Variants in ACP3 observed in about 807,000 individuals in gnomAD.
ACP3 encodes acid phosphatase 3, also known as prostatic acid phosphatase.
ACP3 carries 38 observed loss-of-function variants against 45.6 expected under a neutral mutation model. That is an observed-to-expected ratio of 0.83 (90% CI 0.64 to 1.09). The LOEUF is 1.09. Ranked by LOEUF, ACP3 falls within the 50% of genes least tolerant of loss-of-function variation. ACP3 has a pLI of 0.00. For missense variants in ACP3, 466 were observed against 463.2 expected (o/e 1.01, Z -0.05); for synonymous variants, 162 against 164.7 (o/e 0.98, Z 0.13).
intron 1 of ACP3, among the ~76,000 whole-genome samples, chr3:132,318,328 A>G (rs1052915903): frequency 6.6e-6 from 1 of 152,078 alleles, no homozygotes; most frequent in Non-Finnish European, 1.5e-5. Context: ...CTAAGCCTCT[A>G]AGCTGCTTCT....
At chr3:132,343,010 AAG>A (rs1257462015) in intron 6 of ACP3, among the ~76,000 whole-genome samples, 1 of 152,224 alleles carries the variant, frequency 6.6e-6, no homozygotes, top group Non-Finnish European at 1.5e-5. Context: ...GTTATAAAGA[AAG>A]AGGGGAAAAT....
chr3:132,364,098 C>A (rs887467895), intron 10 of ACP3, among the ~76,000 whole-genome samples: 1 of 152,154 alleles, frequency 6.6e-6, no homozygotes, highest in Non-Finnish European at 1.5e-5. Context: ...AATCCCAGCA[C>A]CTTGAGAGTC....
rs748951409 is a variant in ACP3, at chr3:132,358,632, T to G, written c.*1754T>G. Reference sequence around the variant, plus strand: ...TGACTGACAAAGACATCGATTGATATGCTTCTTTGTGTTATTTCCCTCCCA... The same window carrying G: ...TGACTGACAAAGACATCGATTGATAGGCTTCTTTGTGTTATTTCCCTCCCA... On this transcript the variant is annotated 3_prime_UTR_variant, in exon 10 of 10. Coordinates refer to ENST00000336375, the MANE Select transcript of ACP3 (RefSeq NM_001099.5). The G allele has an allele frequency of 6.7e-6, 7 of 1,042,158 alleles. No individual in the cohort carries two copies. Among genetic ancestry groups the G allele is most frequent in the Non-Finnish European group, 8.2e-6 (7 of 857,874 alleles). 64.6% of individuals were successfully genotyped at this position (1,042,158 alleles called of 1,614,324 possible).
exon 11 of ACP3, chr3:132,367,746 C>T (rs1204602524): frequency 5.0e-6 from 8 of 1,613,710 alleles, no homozygotes; most frequent in Non-Finnish European, 6.8e-6. Flanking sequence ...CTGATATCTG[C>T]TGTCCTAATG....
intron 10 of ACP3, among the ~76,000 whole-genome samples, chr3:132,364,851 A>G (rs1310326524): frequency 2.0e-5 from 3 of 152,202 alleles, no homozygotes; most frequent in Non-Finnish European, 2.9e-5. Flanking sequence ...ATAAATTTCT[A>G]AATACAGAGT....
intron 5 of ACP3, among the ~76,000 whole-genome samples, chr3:132,341,360 G>T (rs1170763637): frequency 6.6e-6 from 1 of 152,070 alleles, no homozygotes; most frequent in Non-Finnish European, 1.5e-5. Context: ...TCTCCTGAAT[G>T]ATTGTTTTAA....
At chr3:132,321,868 A>G (rs1211405183) in intron 1 of ACP3, among the ~76,000 whole-genome samples, 2 of 152,254 alleles carry the variant, frequency 1.3e-5, no homozygotes, top group Admixed American at 1.3e-4. Context: ...TAAATGTCTG[A>G]ATAATATAAC....
At chr3:132,332,410 C>T in intron 4 of ACP3, 66 bp downstream of exon 4, 8 of 1,579,238 alleles carry the variant, frequency 5.1e-6, no homozygotes, top group South Asian at 2.2e-5. Flanking sequence ...GGCTACTCAA[C>T]AGTTGTGGAT....
At chr3:132,355,080 G>T (rs1236739493) in intron 9 of ACP3, among the ~76,000 whole-genome samples, 1 of 152,202 alleles carries the variant, frequency 6.6e-6, no homozygotes, top group African/African-American at 2.4e-5. Flanking sequence ...TGGTGATTCA[G>T]GCACCCAGGG....
Position 132,332,351 on chromosome 3 carries a change from A to G in ACP3, c.456+7A>G. 6.2e-7 allele frequency: 1 copy of G among 1,614,086 alleles called. No homozygotes were observed. Among genetic ancestry groups the G allele is most frequent in the Non-Finnish European group, 8.5e-7 (1 of 1,179,976 alleles). Reference sequence around the variant, plus strand: ...TCCTCTTTCTGAAGATCAGGTCAGTATACTGGGAAAACCAGGAGATTTCAG... The same window carrying G: ...TCCTCTTTCTGAAGATCAGGTCAGTGTACTGGGAAAACCAGGAGATTTCAG... On this transcript the variant is annotated splice_region_variant and intron_variant, in intron 4 of 9. Transcript: ENST00000336375.
chr3:132,332,972 A>T (rs1046608392), intron 4 of ACP3, among the ~76,000 whole-genome samples: 1 of 152,182 alleles, frequency 6.6e-6, no homozygotes, highest in Admixed American at 6.5e-5. Context: ...TGGGATTAAA[A>T]CTAGGCCTAT....
rs1260206040 is a variant in ACP3, at chr3:132,357,052, C to T, written c.*174C>T. 2.2e-6 allele frequency: 3 copies of T among 1,353,976 alleles called. No individual in the cohort carries two copies. The highest frequency in any genetic ancestry group is 2.0e-5 in the South Asian group (1 of 49,776). 83.9% of individuals were successfully genotyped at this position (1,353,976 alleles called of 1,614,324 possible). ...ATTCCTACCTCTTCACCTGACCCTGCCCCCACTTGCCATAAAACTTAGCTA... is the reference window on the plus strand; with the variant it reads ...ATTCCTACCTCTTCACCTGACCCTGTCCCCACTTGCCATAAAACTTAGCTA... On this transcript the variant is annotated 3_prime_UTR_variant, in exon 10 of 10. Coordinates refer to ENST00000336375, the MANE Select transcript of ACP3 (RefSeq NM_001099.5).
Position 132,329,960 on chromosome 3 carries a change from G to A in ACP3, c.216+1598G>A, listed in dbSNP as rs557796976. Among the ~76,000 whole-genome samples the A allele has an allele frequency of 8.1e-5, 10 of 124,158 alleles. No individual in the cohort carries two copies. The South Asian group carries it at 1.6e-3, about 20-fold the overall frequency. 81.5% of individuals were successfully genotyped at this position (124,158 alleles called of 152,430 possible). A position where few individuals can be genotyped will look rare whatever the true frequency, so the allele number is the denominator to read the frequency against. On this transcript the variant is annotated intron_variant, in intron 2 of 9. Transcript: ENST00000336375. ...TGAGATGGAGTCTCACTCTGTCCCC[G>A]CAGGCTGGAGTGCAGTGGCTCGATC...
Position 132,327,793 on chromosome 3 carries a change from C to CAAA in ACP3, c.121-464_121-462dup, listed in dbSNP as rs11391543. 2.6e-3 allele frequency among the ~76,000 whole-genome samples: 389 copies of CAAA among 149,616 alleles called. 1 individual carries two copies. The highest frequency in any genetic ancestry group is 8.7e-3 in the African/African-American group (356 of 40,976). On this transcript the variant is annotated intron_variant, in intron 1 of 9. Coordinates refer to ENST00000336375, the MANE Select transcript of ACP3 (RefSeq NM_001099.5). ...TGGGCAACAGAGCAAGACACTGTTTCAAAAAAAAAAAAGTTATACCACTAT... is the reference window on the plus strand; with the variant it reads ...TGGGCAACAGAGCAAGACACTGTTTCAAAAAAAAAAAAAAAGTTATACCACTAT...
chr3:132,346,049 C>A (rs1234506640), intron 7 of ACP3, among the ~76,000 whole-genome samples: 1 of 152,216 alleles, frequency 6.6e-6, no homozygotes, highest in African/African-American at 2.4e-5. Context: ...TTAATACAAT[C>A]ACATCATGAT....
chr3:132,328,399 C>A, intron 2 of ACP3, 37 bp downstream of exon 2: 1 of 1,570,230 alleles, frequency 6.4e-7, no homozygotes, highest in Non-Finnish European at 8.8e-7. Flanking sequence ...GTTGATGAAG[C>A]TGGGTGTGGT....
At chr3:132,353,518 A>T (rs1280968988) in intron 9 of ACP3, among the ~76,000 whole-genome samples, 1 of 152,200 alleles carries the variant, frequency 6.6e-6, no homozygotes, top group Non-Finnish European at 1.5e-5. Context: ...GAGAAGAAGG[A>T]GGTATTTGGA....
intron 7 of ACP3, among the ~76,000 whole-genome samples, chr3:132,347,769 T>C (rs567889809): frequency 9.2e-5 from 14 of 152,044 alleles, no homozygotes; most frequent in Non-Finnish European, 1.9e-4. Context: ...AGGCATGAAC[T>C]ACTGTGCCCA....
chr3:132,344,951 T>C lies in ACP3; in HGVS notation c.673T>C (p.Ser225Pro), dbSNP rs1253366058. 2 of 1,613,900 alleles carry C rather than the reference T, an allele frequency of 1.2e-6. No individual in the cohort carries two copies. The highest frequency in any genetic ancestry group is 1.7e-6 in the Non-Finnish European group (2 of 1,179,912). ...GAGTGTTCACAATTTCACTTTACCC[T>C]CCTGGGCCACTGAGGACACCATGAC... ...CESVHNFTLP[S>P]WATEDTMTKL... The change falls in exon 7 of 10, where the codon TCC becomes CCC. Residue 225 changes from serine to proline, a missense_variant. Physicochemically the swap from Ser to Pro is moderately conservative, Grantham distance 74. Coordinates refer to ENST00000336375, the MANE Select transcript of ACP3 (RefSeq NM_001099.5).
Sources: allele counts gnomAD v4.1 joint callset (sites outside exome capture counted in the v4.1 genomes callset), GRCh38; gene constraint gnomAD v4.1.1; transcripts MANE v1.5; gene names NCBI Gene and HGNC (gene_info 2026-07-23, HGNC 2026-07-21).